Variants in MAGI2 observed in about 807,000 individuals in gnomAD.
MAGI2 encodes the protein membrane-associated guanylate kinase, WW and PDZ domain-containing protein 2.
In MAGI2, 35 loss-of-function variants were observed where a neutral mutation model predicts 133.3. The observed-to-expected ratio is 0.26, with a 90% CI of 0.20 to 0.35. The LOEUF (loss-of-function observed/expected upper bound fraction) is 0.35, where lower values mean the gene tolerates loss of function less well. Ranked by LOEUF, MAGI2 falls within the 10% of genes least tolerant of loss-of-function variation. The pLI is 1.00. For missense variants in MAGI2, 1,636 were observed against 1,863.4 expected, an observed-to-expected ratio of 0.88 and a Z score of 2.25; for synonymous variants, 729 against 710.6, an observed-to-expected ratio of 1.03 and a Z score of -0.41.
intron 4 of MAGI2, among the ~76,000 whole-genome samples, chr7:78,511,531 T>C (rs932512799): frequency 9.3e-6 from 1 of 107,244 alleles, no homozygotes; most frequent in African/African-American, 3.3e-5. Flanking sequence ...GCTCACCATC[T>C]TTTATATATA....
At chr7:79,156,486 G>A (rs1359223020) in intron 1 of MAGI2, among the ~76,000 whole-genome samples, 1 of 152,020 alleles carries the variant, frequency 6.6e-6, no homozygotes, top group Non-Finnish European at 1.5e-5. Context: ...ATAGAACCTT[G>A]GTCTCCACAA....
At chr7:79,056,372 G>A (rs1296404676) in intron 1 of MAGI2, among the ~76,000 whole-genome samples, 2 of 152,098 alleles carry the variant, frequency 1.3e-5, no homozygotes, top group Non-Finnish European at 2.9e-5. Flanking sequence ...AAAAAATCAC[G>A]TATAGTTATT....
chr7:78,239,605 T>G (rs1432288229), intron 10 of MAGI2, among the ~76,000 whole-genome samples: 6 of 152,064 alleles, frequency 3.9e-5, no homozygotes, highest in Admixed American at 3.3e-4. Context: ...AATGCCTGAG[T>G]AGGTATTTAT....
At chr7:78,792,310 T>A (rs1172955728) in intron 2 of MAGI2, among the ~76,000 whole-genome samples, 3 of 152,244 alleles carry the variant, frequency 2.0e-5, no homozygotes, top group African/African-American at 7.2e-5. Context: ...ATTTCCAGTT[T>A]ACAGTTTTAA....
intron 9 of MAGI2, among the ~76,000 whole-genome samples, chr7:78,328,854 A>G (rs1357070344): frequency 6.6e-6 from 1 of 152,204 alleles, no homozygotes; most frequent in African/African-American, 2.4e-5. Context: ...CAAAGAAGTA[A>G]GAGGAGTGAA....
chr7:78,779,156 T>A (rs1826208705), intron 2 of MAGI2, among the ~76,000 whole-genome samples: 1 of 152,146 alleles, frequency 6.6e-6, no homozygotes, highest in Non-Finnish European at 1.5e-5. Flanking sequence ...TCTGCCTGCT[T>A]CGGCATCCCA....
intron 14 of MAGI2, among the ~76,000 whole-genome samples, chr7:78,171,362 C>T (rs1826091369): frequency 6.6e-6 from 1 of 152,176 alleles, no homozygotes; most frequent in Non-Finnish European, 1.5e-5. Flanking sequence ...AGTTCTCAAA[C>T]TTTTGGATGC....
chr7:79,267,373 C>A (rs889594574), intron 1 of MAGI2, among the ~76,000 whole-genome samples: 3 of 152,132 alleles, frequency 2.0e-5, no homozygotes, highest in African/African-American at 7.2e-5. Context: ...GGAAAAGGGG[C>A]CTCTCTGACC....
intron 1 of MAGI2, among the ~76,000 whole-genome samples, chr7:79,336,188 T>C (rs1840426213): frequency 6.6e-6 from 1 of 152,070 alleles, no homozygotes; most frequent in African/African-American, 2.4e-5. Flanking sequence ...TCAGGATAGA[T>C]TTATCATGAA....
At chr7:79,034,922 G>T (rs1345758472) in intron 1 of MAGI2, among the ~76,000 whole-genome samples, 1 of 152,150 alleles carries the variant, frequency 6.6e-6, no homozygotes, top group Non-Finnish European at 1.5e-5. Flanking sequence ...TCTTAATAAC[G>T]AATTAGGGCT....
chr7:78,151,020 C>T (rs1291758726), intron 16 of MAGI2, among the ~76,000 whole-genome samples: 1 of 149,886 alleles, frequency 6.7e-6, no homozygotes, highest in Non-Finnish European at 1.5e-5. Flanking sequence ...CTTCAGTGTT[C>T]CGGTATCAGG....
chr7:78,812,505 A>C (rs968656186), intron 2 of MAGI2, among the ~76,000 whole-genome samples: 10 of 152,182 alleles, frequency 6.6e-5, no homozygotes, highest in Non-Finnish European at 1.0e-4. Context: ...AAACCAGCCC[A>C]ATATGGTAGC....
intron 1 of MAGI2, chr7:79,008,969 C>G (rs1310466820): frequency 6.6e-6 from 1 of 152,016 alleles, no homozygotes; most frequent in South Asian, 2.1e-4. Context: ...TCATTTCTGC[C>G]GGATTCTAAG....
At chr7:78,557,295 C>T (rs1460935473) in intron 3 of MAGI2, among the ~76,000 whole-genome samples, 1 of 151,984 alleles carries the variant, frequency 6.6e-6, no homozygotes, top group Non-Finnish European at 1.5e-5. Flanking sequence ...CTGTATATAT[C>T]TTGCCAGAAC....
chr7:78,093,474 T>C (rs1817427330), intron 20 of MAGI2, among the ~76,000 whole-genome samples: 1 of 150,294 alleles, frequency 6.7e-6, no homozygotes, highest in Non-Finnish European at 1.5e-5. Flanking sequence ...AAGTAAGTAA[T>C]GGCAAAGACC....
intron 1 of MAGI2, among the ~76,000 whole-genome samples, chr7:79,130,938 T>C (rs1380563735): frequency 6.6e-6 from 1 of 151,934 alleles, no homozygotes. Context: ...CATTCATTTA[T>C]TCATTCACTC....
At chr7:78,035,533 T>C (rs1230656298) in intron 21 of MAGI2, among the ~76,000 whole-genome samples, 1 of 152,186 alleles carries the variant, frequency 6.6e-6, no homozygotes, top group Non-Finnish European at 1.5e-5. Flanking sequence ...CTCTATATAA[T>C]CAGTCAATAA....
intron 2 of MAGI2, among the ~76,000 whole-genome samples, chr7:78,727,704 AC>A (rs1444661004): frequency 3.9e-5 from 6 of 152,222 alleles, no homozygotes; most frequent in Non-Finnish European, 8.8e-5. Flanking sequence ...TAGACAAGAA[AC>A]TTGACAGCTA....
chr7:78,421,195 A>G (rs1480379167), intron 6 of MAGI2, among the ~76,000 whole-genome samples: 1 of 152,180 alleles, frequency 6.6e-6, no homozygotes. Context: ...TAGGAACAAG[A>G]TATAGATCAG....
Sources: gnomAD v4.1 joint callset for allele counts (sites outside exome capture counted in the v4.1 genomes callset) on GRCh38, gnomAD v4.1.1 for gene constraint, MANE v1.5 for transcripts, NCBI Gene and HGNC (gene_info 2026-07-23, HGNC 2026-07-21) for gene names.